The following HECW1 variants were observed in gnomAD, a reference collection of about 807,000 sequenced individuals.
HECW1 encodes E3 ubiquitin-protein ligase HECW1.
HECW1 carries 61 observed loss-of-function variants against 182.3 expected under a neutral mutation model. That is an observed-to-expected ratio of 0.33 (90% confidence interval 0.27 to 0.41). The LOEUF is 0.41. HECW1 is among the 10% of genes least tolerant of loss of function. The pLI is 1.00. For missense variants in HECW1, 1,739 were observed against 2,108.9 expected (o/e 0.82, Z 3.44); for synonymous variants, 859 against 832.6 (o/e 1.03, Z -0.55).
chr7:43,361,090 A>C, intron 6 of HECW1, 110 bp downstream of exon 6: 1 of 582,674 alleles, frequency 1.7e-6, no homozygotes, highest in African/African-American at 1.9e-5. Flanking sequence ...GTGTGTGTGT[A>C]CGTGTACATA....
intron 24 of HECW1, among the ~76,000 whole-genome samples, chr7:43,520,276 TC>T (rs2080398091): frequency 6.6e-6 from 1 of 152,020 alleles, no homozygotes; most frequent in South Asian, 2.1e-4. Flanking sequence ...TTTCCATTTA[TC>T]CCCCCTTTAC....
chr7:43,206,204 T>TAAA (rs1795462222), intron 2 of HECW1, among the ~76,000 whole-genome samples: 1 of 152,114 alleles, frequency 6.6e-6, no homozygotes, highest in African/African-American at 2.4e-5. Context: ...AGGGAGCATT[T>TAAA]TAAGGGTTCT....
chr7:43,327,328 C>T (rs1245779746), intron 5 of HECW1, among the ~76,000 whole-genome samples: 2 of 152,014 alleles, frequency 1.3e-5, no homozygotes, highest in East Asian at 1.9e-4. Flanking sequence ...TATAGAGCTC[C>T]GTGGAAACCA....
intron 17 of HECW1, among the ~76,000 whole-genome samples, chr7:43,485,702 A>G (rs2078604219): frequency 1.3e-5 from 2 of 152,282 alleles, no homozygotes; most frequent in Non-Finnish European, 1.5e-5. Context: ...AATATAAAAG[A>G]TTTAAAAAAT....
At chr7:43,283,123 CAAAAA>C (rs555000439) in intron 3 of HECW1, among the ~76,000 whole-genome samples, 55 of 137,896 alleles carry the variant, frequency 4.0e-4, no homozygotes, top group Middle Eastern at 3.4e-3. Context: ...AGACTATCTC[CAAAAA>C]AAAAAAGAAA....
chr7:43,279,538 T>C (rs1238260083), intron 3 of HECW1, among the ~76,000 whole-genome samples: 2 of 152,124 alleles, frequency 1.3e-5, no homozygotes, highest in African/African-American at 4.8e-5. Context: ...CTCACTAGTC[T>C]TCACTTAGTT....
chr7:43,513,943 C>T (rs80265753), intron 24 of HECW1, among the ~76,000 whole-genome samples: 2,337 of 152,224 alleles, frequency 0.015, 65 homozygotes, highest in African/African-American at 0.053. Flanking sequence ...GGACACAGCC[C>T]CTGCGAGACC....
At chr7:43,466,605 C>A in intron 15 of HECW1, 37 bp downstream of exon 15, 1 of 1,600,612 alleles carries the variant, frequency 6.2e-7, no homozygotes, top group Non-Finnish European at 8.5e-7. Context: ...CGGCCTGGCT[C>A]GGCAAGACCC....
At chr7:43,260,740 G>T (rs10271819) in intron 3 of HECW1, among the ~76,000 whole-genome samples, 1 of 152,182 alleles carries the variant, frequency 6.6e-6, no homozygotes, top group African/African-American at 2.4e-5. Context: ...ATAGGACTTA[G>T]TCATTGCTTG....
chr7:43,252,144 GT>G (rs1273072801), intron 3 of HECW1, among the ~76,000 whole-genome samples: 1 of 152,152 alleles, frequency 6.6e-6, no homozygotes, highest in African/African-American at 2.4e-5. Flanking sequence ...GCATATAAGT[GT>G]TTCACTTACA....
intron 5 of HECW1, among the ~76,000 whole-genome samples, chr7:43,324,639 A>G (rs1810557160): frequency 2.6e-5 from 4 of 152,230 alleles, no homozygotes; most frequent in Admixed American, 2.6e-4. Flanking sequence ...ACTAAAAATA[A>G]GACTCTTTGC....
At chr7:43,466,121 GAA>G (rs1177535106) in intron 14 of HECW1, among the ~76,000 whole-genome samples, 1 of 137,394 alleles carries the variant, frequency 7.3e-6, no homozygotes, top group Non-Finnish European at 1.5e-5. Context: ...ATGAAAGAAA[GAA>G]AAAGAAAGAA....
intron 2 of HECW1, among the ~76,000 whole-genome samples, chr7:43,137,528 T>TTTTTTTTATTTATTTATTTA (rs1787683479): frequency 6.8e-6 from 1 of 147,432 alleles, no homozygotes; most frequent in African/African-American, 2.5e-5. Flanking sequence ...TTCTGCCTTC[T>TTTTTTTTATTTATTTATTTA]TTTATTTATT....
chr7:43,381,173 C>A (rs1185394995), intron 6 of HECW1, among the ~76,000 whole-genome samples: 1 of 152,102 alleles, frequency 6.6e-6, no homozygotes, highest in Non-Finnish European at 1.5e-5. Flanking sequence ...AATCTTTTGT[C>A]CTCTTTTCCC....
chr7:43,515,821 A>G (rs939857434), intron 24 of HECW1, among the ~76,000 whole-genome samples: 2 of 152,230 alleles, frequency 1.3e-5, no homozygotes, highest in Non-Finnish European at 2.9e-5. Context: ...ACTTGCTGCA[A>G]AATTATATAT....
chr7:43,393,191 G>A (rs1432531071), intron 6 of HECW1, among the ~76,000 whole-genome samples: 1 of 152,114 alleles, frequency 6.6e-6, no homozygotes, highest in African/African-American at 2.4e-5. Flanking sequence ...GAGAGGGGGG[G>A]CAACAGGACC....
At chr7:43,146,834 G>A (rs769602332) in intron 2 of HECW1, among the ~76,000 whole-genome samples, 1 of 152,214 alleles carries the variant, frequency 6.6e-6, no homozygotes, top group Non-Finnish European at 1.5e-5. Context: ...ACAGCTCATG[G>A]CCCATTAGTG....
intron 6 of HECW1, among the ~76,000 whole-genome samples, chr7:43,389,437 T>G (rs933266443): frequency 1.3e-5 from 2 of 152,224 alleles, no homozygotes; most frequent in African/African-American, 4.8e-5. Flanking sequence ...CAATTATTTT[T>G]TAGGACTCAG....
At chr7:43,266,751 C>A (rs987914643) in intron 3 of HECW1, among the ~76,000 whole-genome samples, 16 of 152,072 alleles carry the variant, frequency 1.1e-4, no homozygotes, top group African/African-American at 3.6e-4. Context: ...ATAAATATCA[C>A]CTAACAACAG....
Sources: allele counts gnomAD v4.1 joint callset (sites outside exome capture counted in the v4.1 genomes callset), GRCh38; gene constraint gnomAD v4.1.1; transcripts MANE v1.5; gene names NCBI Gene and HGNC (gene_info 2026-07-23, HGNC 2026-07-21).